Variants in OR9Q1 observed in about 807,000 individuals in gnomAD.
OR9Q1 encodes the protein olfactory receptor family 9 subfamily Q member 1.
For missense variants in OR9Q1, 374 were observed against 378.8 expected (o/e 0.99, Z 0.11); for synonymous variants, 153 against 148.6 (o/e 1.03, Z -0.22).
At chr11:58,082,744 A>G (rs1314003907) in intron 2 of OR9Q1, among the ~76,000 whole-genome samples, 1 of 37,690 alleles carries the variant, frequency 2.7e-5, no homozygotes, top group Non-Finnish European at 8.1e-5. Context: ...CTTAAAGTAT[A>G]ATAATAATAA....
chr11:58,056,762 T>C (rs1036230316), intron 2 of OR9Q1, among the ~76,000 whole-genome samples: 9 of 152,162 alleles, frequency 5.9e-5, no homozygotes, highest in African/African-American at 2.2e-4. Context: ...AAAAATCTTA[T>C]GCTTCACACT....
At chr11:58,067,502 A>G (rs1347285613) in intron 2 of OR9Q1, among the ~76,000 whole-genome samples, 1 of 152,124 alleles carries the variant, frequency 6.6e-6, no homozygotes, top group African/African-American at 2.4e-5. Flanking sequence ...TTCATAACAT[A>G]CTGTACAGTG....
intron 1 of OR9Q1, among the ~76,000 whole-genome samples, chr11:58,042,466 C>T (rs4503567): frequency 0.26 from 38,670 of 150,296 alleles, 5,462 homozygotes; most frequent in East Asian, 0.6. Context: ...AGATATGCGG[C>T]GTTATTTCTG....
intron 1 of OR9Q1, among the ~76,000 whole-genome samples, chr11:58,039,018 C>T (rs1853134429): frequency 6.6e-6 from 1 of 152,092 alleles, no homozygotes; most frequent in Non-Finnish European, 1.5e-5. Flanking sequence ...GAGACAGGGT[C>T]TCACTCTGAT....
intron 2 of OR9Q1, among the ~76,000 whole-genome samples, chr11:58,074,387 G>A (rs562989540): frequency 6.6e-6 from 1 of 152,018 alleles, no homozygotes; most frequent in East Asian, 1.9e-4. Flanking sequence ...TCATATGTTT[G>A]TTGGCCACAT....
At chr11:58,067,201 T>A (rs951299900) in intron 2 of OR9Q1, among the ~76,000 whole-genome samples, 1 of 151,980 alleles carries the variant, frequency 6.6e-6, no homozygotes, top group African/African-American at 2.4e-5. Flanking sequence ...CTGGCTAATT[T>A]TTTTGTGTGT....
intron 2 of OR9Q1, among the ~76,000 whole-genome samples, chr11:58,067,599 T>C (rs56058177): frequency 0.034 from 5,247 of 152,308 alleles, 99 homozygotes; most frequent in East Asian, 0.051. Context: ...AGAGGAGGGC[T>C]GGTGCCAGGG....
Position 58,058,866 on chromosome 11 carries a change from G to C in OR9Q1, c.-15+2919G>C, listed in dbSNP as rs537429469. On this transcript the variant is annotated intron_variant, in intron 2 of 2. Transcript: ENST00000335397. Reference sequence around the variant, plus strand: ...CTCAAGAGCTTGGCCAGGACTCAAGGCTGGTGGGTGCTGCTGGGCACTGTG... The same window carrying C: ...CTCAAGAGCTTGGCCAGGACTCAAGCCTGGTGGGTGCTGCTGGGCACTGTG... Among the ~76,000 whole-genome samples, 47 of 152,270 alleles carry C rather than the reference G, an allele frequency of 3.1e-4. 1 individual carries two copies. In the South Asian group the frequency reaches 9.3e-3, roughly 30 times the overall value.
chr11:58,060,423 CAT>C (rs1853369143), intron 2 of OR9Q1, among the ~76,000 whole-genome samples: 1 of 152,166 alleles, frequency 6.6e-6, no homozygotes. Flanking sequence ...GGATGGGTAA[CAT>C]AAAAATCTTA....
intron 2 of OR9Q1, among the ~76,000 whole-genome samples, chr11:58,058,445 G>A (rs772197867): frequency 1.3e-4 from 20 of 152,146 alleles, no homozygotes; most frequent in Admixed American, 3.3e-4. Context: ...TGGGCGCAGC[G>A]CCAACAGGAA....
chr11:58,082,490 G>A (rs1425400234), intron 2 of OR9Q1, among the ~76,000 whole-genome samples: 3 of 148,868 alleles, frequency 2.0e-5, no homozygotes, highest in East Asian at 2.0e-4. Flanking sequence ...GTAAACTATC[G>A]CAAGGACAAA....
chr11:58,065,367 G>GAC (rs1357694933), intron 2 of OR9Q1, among the ~76,000 whole-genome samples: 1 of 152,120 alleles, frequency 6.6e-6, no homozygotes, highest in African/African-American at 2.4e-5. Context: ...AGAGGCAAAA[G>GAC]ACACACAGCA....
intron 2 of OR9Q1, among the ~76,000 whole-genome samples, chr11:58,138,175 C>T (rs1203113499): frequency 2.6e-5 from 4 of 152,134 alleles, no homozygotes; most frequent in Non-Finnish European, 5.9e-5. Context: ...AATGCTTCCT[C>T]CTCCTTTCCC....
At position 58,122,557 on chromosome 11, in the gene OR9Q1, T is replaced by A. The variant is rs891711525; in HGVS notation, c.-14-56874T>A. Among the ~76,000 whole-genome samples, 12 of 152,246 alleles carry A rather than the reference T, an allele frequency of 7.9e-5. 1 individual carries two copies. Among genetic ancestry groups the A allele is most frequent in the Admixed American group, 3.9e-4 (6 of 15,280 alleles). The stretch of plus-strand genomic sequence containing the variant: ...CTCTGTATCTACTAAATACTGAGTA[T>A]ATAAAGCAATGCAGGCACTATTTCA... On this transcript the variant is annotated intron_variant, in intron 2 of 2. Coordinates refer to ENST00000335397, the MANE Select transcript of OR9Q1 (RefSeq NM_001005212.4).
chr11:58,068,411 TG>T (rs1477348945), intron 2 of OR9Q1, among the ~76,000 whole-genome samples: 1 of 151,682 alleles, frequency 6.6e-6, no homozygotes, highest in African/African-American at 2.4e-5. Flanking sequence ...CATGCCAGGT[TG>T]GTGGCTGAAG....
At chr11:58,036,670 C>T (rs1853103496) in intron 1 of OR9Q1, among the ~76,000 whole-genome samples, 1 of 152,146 alleles carries the variant, frequency 6.6e-6, no homozygotes, top group Non-Finnish European at 1.5e-5. Flanking sequence ...TTATGGATGA[C>T]TTTGAGGGGT....
At chr11:58,091,940 C>G (rs1319956015) in intron 2 of OR9Q1, among the ~76,000 whole-genome samples, 1 of 149,946 alleles carries the variant, frequency 6.7e-6, no homozygotes, top group Non-Finnish European at 1.5e-5. Flanking sequence ...AAAGTCTGTT[C>G]TATCAGAGAC....
intron 2 of OR9Q1, among the ~76,000 whole-genome samples, chr11:58,146,180 T>G (rs1854297332): frequency 6.6e-6 from 1 of 152,234 alleles, no homozygotes; most frequent in Admixed American, 6.5e-5. Context: ...AAGCTCTATT[T>G]TATTTCTGAA....
chr11:58,090,690 T>C lies in OR9Q1; in HGVS notation c.-15+34743T>C, dbSNP rs868453234. Among the ~76,000 whole-genome samples, 10 of 152,302 alleles carry C rather than the reference T, an allele frequency of 6.6e-5. No individual in the cohort carries two copies. In the South Asian group the frequency reaches 1.5e-3, roughly 22 times the overall value. ...TTAGGGAGGAGTCCCTGTTTTTCTATTGTTTGGAATAGTTTTAGAAGGAAT... is the reference window on the plus strand; with the variant it reads ...TTAGGGAGGAGTCCCTGTTTTTCTACTGTTTGGAATAGTTTTAGAAGGAAT... On this transcript the variant is annotated intron_variant, in intron 2 of 2. Transcript: ENST00000335397.
Sources: allele counts gnomAD v4.1 joint callset (sites outside exome capture counted in the v4.1 genomes callset), GRCh38; gene constraint gnomAD v4.1.1; transcripts MANE v1.5; gene names NCBI Gene and HGNC (gene_info 2026-07-23, HGNC 2026-07-21).